Variants in MACROD2 observed in about 807,000 individuals in gnomAD.
The protein encoded by MACROD2 is ADP-ribose glycohydrolase MACROD2.
Under a neutral mutation model 70.4 loss-of-function variants are expected in MACROD2, and 36 were observed. The ratio of observed to expected loss-of-function variants is 0.51; its 90% CI spans 0.39 to 0.68. The LOEUF (loss-of-function observed/expected upper bound fraction) is 0.68. Ranked by LOEUF, MACROD2 falls within the 30% of genes least tolerant of loss-of-function variation. MACROD2 has a pLI of 0.00. For missense variants in MACROD2, 496 were observed against 538.4 expected, an observed-to-expected ratio of 0.92 and a Z score of 0.78; for synonymous variants, 172 against 178.8, an observed-to-expected ratio of 0.96 and a Z score of 0.30.
At position 15,127,543 on chromosome 20, in the gene MACROD2, AT is replaced by A. The variant is rs529250868; in HGVS notation, c.419-102396del. Among the ~76,000 whole-genome samples the A allele has an allele frequency of 4.1e-3, 627 of 152,042 alleles. 4 individuals are homozygous for A. Among genetic ancestry groups the A allele is most frequent in the Middle Eastern group, 0.034 (10 of 294 alleles). ...ACCTGTTGATGCAGCAGTCATGTGAATGTTTGGTTGGAGCTGGAGGCTCTAT... is the reference window on the plus strand; with the variant it reads ...ACCTGTTGATGCAGCAGTCATGTGAAGTTTGGTTGGAGCTGGAGGCTCTAT... On this transcript the variant is annotated intron_variant, in intron 5 of 17. Transcript: ENST00000684519.
At chr20:13,997,182 A>G (rs2052673841) in intron 1 of MACROD2, among the ~76,000 whole-genome samples, 4 of 152,222 alleles carry the variant, frequency 2.6e-5, no homozygotes, top group Admixed American at 2.6e-4. Flanking sequence ...TCATTTAATT[A>G]TGTTTTAATA....
chr20:14,802,857 G>T (rs2072594767), intron 5 of MACROD2, among the ~76,000 whole-genome samples: 2 of 149,758 alleles, frequency 1.3e-5, no homozygotes, highest in East Asian at 1.9e-4. Flanking sequence ...ATCTGCAAAA[G>T]ATTTTTTTTT....
intron 6 of MACROD2, among the ~76,000 whole-genome samples, chr20:15,255,746 G>A (rs927953466): frequency 6.6e-6 from 1 of 152,108 alleles, no homozygotes; most frequent in African/African-American, 2.4e-5. Context: ...TTTTTGCCTA[G>A]TTCCAATATT....
chr20:14,404,598 C>CAAAAAAAAA (rs11482070), intron 3 of MACROD2, among the ~76,000 whole-genome samples: 1 of 149,140 alleles, frequency 6.7e-6, no homozygotes. Context: ...CCCCCATCTC[C>CAAAAAAAAA]AAAAAAAAAA....
intron 5 of MACROD2, among the ~76,000 whole-genome samples, chr20:15,215,740 A>G (rs1022421910): frequency 6.6e-6 from 1 of 152,078 alleles, no homozygotes; most frequent in East Asian, 1.9e-4. Flanking sequence ...TGACAAAAGT[A>G]GAAGTTATAA....
intron 5 of MACROD2, among the ~76,000 whole-genome samples, chr20:14,743,155 A>G (rs1318965993): frequency 1.3e-5 from 2 of 152,156 alleles, no homozygotes; most frequent in African/African-American, 4.8e-5. Context: ...TAATTTCTTC[A>G]ATGAAATTCA....
At chr20:15,483,501 G>A (rs1366114137) in intron 7 of MACROD2, among the ~76,000 whole-genome samples, 2 of 152,112 alleles carry the variant, frequency 1.3e-5, no homozygotes, top group Non-Finnish European at 2.9e-5. Flanking sequence ...TCCTCTGACT[G>A]TTTTCCAATA....
intron 3 of MACROD2, among the ~76,000 whole-genome samples, chr20:14,126,010 C>T (rs1251620838): frequency 1.3e-5 from 2 of 151,858 alleles, no homozygotes; most frequent in African/African-American, 4.8e-5. Flanking sequence ...CCCTTTTTCC[C>T]TTCAGGGTGT....
chr20:15,648,895 A>C (rs1237403960), intron 8 of MACROD2, among the ~76,000 whole-genome samples: 1 of 152,194 alleles, frequency 6.6e-6, no homozygotes, highest in African/African-American at 2.4e-5. Context: ...CTCTTTACTT[A>C]GTCTATAAAG....
intron 6 of MACROD2, among the ~76,000 whole-genome samples, chr20:15,338,874 T>C (rs1434859319): frequency 6.6e-6 from 1 of 151,566 alleles, no homozygotes; most frequent in Non-Finnish European, 1.5e-5. Context: ...TAAAATACAA[T>C]GTTAACTTTT....
At chr20:15,599,074 G>C (rs2048782554) in intron 8 of MACROD2, among the ~76,000 whole-genome samples, 1 of 152,114 alleles carries the variant, frequency 6.6e-6, no homozygotes, top group African/African-American at 2.4e-5. Context: ...CCCATCAAGA[G>C]AACAGTTTAA....
intron 5 of MACROD2, among the ~76,000 whole-genome samples, chr20:15,033,571 C>A (rs941851999): frequency 6.6e-6 from 1 of 152,184 alleles, no homozygotes; most frequent in African/African-American, 2.4e-5. Context: ...AAAATCTGAA[C>A]TGAAATGAAA....
chr20:14,279,632 T>G (rs574882970), intron 3 of MACROD2, among the ~76,000 whole-genome samples: 1 of 152,338 alleles, frequency 6.6e-6, no homozygotes, highest in South Asian at 2.1e-4. Context: ...CCTCAGTTGA[T>G]AAGAGACAGG....
chr20:14,716,103 C>T (rs1038873940), intron 5 of MACROD2, among the ~76,000 whole-genome samples: 2 of 152,116 alleles, frequency 1.3e-5, no homozygotes, highest in Admixed American at 6.5e-5. Flanking sequence ...GATATGAAGG[C>T]GTTTTCCTTC....
At chr20:16,003,153 C>A (rs1212399208) in intron 15 of MACROD2, among the ~76,000 whole-genome samples, 1 of 150,244 alleles carries the variant, frequency 6.7e-6, no homozygotes, top group Admixed American at 6.7e-5. Flanking sequence ...GGAAGCTAAG[C>A]CCTCAGTAGT....
At chr20:15,093,408 AT>A (rs1267373638) in intron 5 of MACROD2, among the ~76,000 whole-genome samples, 2 of 151,230 alleles carry the variant, frequency 1.3e-5, no homozygotes, top group African/African-American at 4.9e-5. Flanking sequence ...TTTCATTTTT[AT>A]TTTTTCTTCT....
intron 8 of MACROD2, among the ~76,000 whole-genome samples, chr20:15,621,987 C>G (rs2049132198): frequency 6.6e-6 from 1 of 152,118 alleles, no homozygotes. Flanking sequence ...GATAGATGCG[C>G]ACTAACTGTG....
intron 8 of MACROD2, among the ~76,000 whole-genome samples, chr20:15,513,536 T>C (rs1461185060): frequency 6.6e-6 from 1 of 152,116 alleles, no homozygotes; most frequent in African/African-American, 2.4e-5. Flanking sequence ...ACATGAAATA[T>C]CTTCAATATA....
At chr20:15,636,093 G>GAAAAAAAAAAAAAAAAA (rs2049362741) in intron 8 of MACROD2, among the ~76,000 whole-genome samples, 1 of 64,882 alleles carries the variant, frequency 1.5e-5, no homozygotes, top group Non-Finnish European at 3.3e-5. Flanking sequence ...AAAAAAAAAA[G>GAAAAAAAAAAAAAAAAA]AAAGAAAAGA....
Sources: gnomAD v4.1 joint callset for allele counts (sites outside exome capture counted in the v4.1 genomes callset) on GRCh38, gnomAD v4.1.1 for gene constraint, MANE v1.5 for transcripts, NCBI Gene and HGNC (gene_info 2026-07-23, HGNC 2026-07-21) for gene names.